IGF2BP2: variants seen among roughly 807,000 people sequenced by gnomAD.
The protein encoded by IGF2BP2 is insulin-like growth factor 2 mRNA-binding protein 2.
In IGF2BP2, 17 loss-of-function variants were observed where a neutral mutation model predicts 75.8. That is an observed-to-expected ratio of 0.22 (90% CI 0.15 to 0.34). The LOEUF is 0.34. Among genes scored for constraint, IGF2BP2 ranks in the 10% least tolerant of loss-of-function variants. The probability of loss-of-function intolerance (pLI) is 1.00; values close to 1 mark genes in which losing one functional copy is unlikely to be tolerated. For missense variants in IGF2BP2, 516 were observed against 772.4 expected, an observed-to-expected ratio of 0.67 and a Z score of 3.93; for synonymous variants, 288 against 295.6, an observed-to-expected ratio of 0.97 and a Z score of 0.26.
chr3:185,733,072 G>A (rs996256107), intron 2 of IGF2BP2, among the ~76,000 whole-genome samples: 3 of 152,090 alleles, frequency 2.0e-5, no homozygotes, highest in Non-Finnish European at 4.4e-5. Context: ...GGAACTAGGG[G>A]AGGATACAAT....
chr3:185,806,161 T>C (rs1362854139), intron 2 of IGF2BP2, among the ~76,000 whole-genome samples: 2 of 152,114 alleles, frequency 1.3e-5, no homozygotes, highest in African/African-American at 4.8e-5. Context: ...GGGAGTTCTC[T>C]CTAAACTCCC....
chr3:185,771,418 C>A (rs779028644), intron 2 of IGF2BP2, among the ~76,000 whole-genome samples: 2 of 140,296 alleles, frequency 1.4e-5, no homozygotes, highest in African/African-American at 2.7e-5. Context: ...CCAGCCTGGG[C>A]GAAAGAGTAA....
chr3:185,679,857 A>C (rs1189320148), intron 7 of IGF2BP2, among the ~76,000 whole-genome samples: 1 of 151,958 alleles, frequency 6.6e-6, no homozygotes, highest in Non-Finnish European at 1.5e-5. Flanking sequence ...CTTGTGATCC[A>C]CCCACCTCGG....
chr3:185,697,779 G>A (rs1313635902), intron 3 of IGF2BP2, among the ~76,000 whole-genome samples: 1 of 152,062 alleles, frequency 6.6e-6, no homozygotes, highest in Non-Finnish European at 1.5e-5. Context: ...GAACCTAAGA[G>A]TTCGAGGCCA....
intron 2 of IGF2BP2, among the ~76,000 whole-genome samples, chr3:185,773,038 G>A (rs1342442542): frequency 6.6e-6 from 1 of 152,182 alleles, no homozygotes; most frequent in Non-Finnish European, 1.5e-5. Flanking sequence ...CAGGAGGCCT[G>A]ATAACTAACC....
At chr3:185,797,897 T>TAAAA (rs35850351) in intron 2 of IGF2BP2, among the ~76,000 whole-genome samples, 5 of 90,354 alleles carry the variant, frequency 5.5e-5, no homozygotes, top group African/African-American at 2.4e-4. Flanking sequence ...CCCTGTCTCT[T>TAAAA]AAAAAAAAAA....
At chr3:185,798,857 G>A (rs764690347) in intron 2 of IGF2BP2, among the ~76,000 whole-genome samples, 2 of 150,330 alleles carry the variant, frequency 1.3e-5, no homozygotes, top group South Asian at 2.1e-4. Context: ...GCAGTGGTGC[G>A]GTCTTGGCTC....
At chr3:185,649,293 C>T in intron 14 of IGF2BP2, 110 bp downstream of exon 14, 7 of 1,405,880 alleles carry the variant, frequency 5.0e-6, no homozygotes. Context: ...TGCCAAAGAC[C>T]CTGACTGTAC....
intron 13 of IGF2BP2, 54 bp downstream of exon 13, chr3:185,652,040 G>C: frequency 7.0e-7 from 1 of 1,424,004 alleles, no homozygotes. Context: ...GTGCCTCTGA[G>C]GTGGCTGCTC....
chr3:185,811,344 T>C (rs1739795677), intron 2 of IGF2BP2, among the ~76,000 whole-genome samples: 1 of 152,154 alleles, frequency 6.6e-6, no homozygotes. Flanking sequence ...GACAAGCCTA[T>C]GTGTAAGGGA....
chr3:185,676,973 GATAC>G (rs1321334882), intron 7 of IGF2BP2, among the ~76,000 whole-genome samples: 1 of 136,572 alleles, frequency 7.3e-6, no homozygotes, highest in East Asian at 2.1e-4. Context: ...TACATATGGA[GATAC>G]ATATATATGG....
intron 2 of IGF2BP2, among the ~76,000 whole-genome samples, chr3:185,803,657 C>T (rs1738580080): frequency 6.6e-6 from 1 of 152,136 alleles, no homozygotes; most frequent in Non-Finnish European, 1.5e-5. Flanking sequence ...GTCTCAATGG[C>T]ACCAGAAACC....
chr3:185,812,187 A>G (rs868301775), intron 2 of IGF2BP2, among the ~76,000 whole-genome samples: 3 of 152,160 alleles, frequency 2.0e-5, no homozygotes, highest in Non-Finnish European at 4.4e-5. Context: ...TACACAACAG[A>G]TAAGAGGAGG....
chr3:185,748,897 C>T (rs1232733387), intron 2 of IGF2BP2, among the ~76,000 whole-genome samples: 1 of 152,234 alleles, frequency 6.6e-6, no homozygotes, highest in African/African-American at 2.4e-5. Flanking sequence ...GACGCAGTGG[C>T]TCATGCCTGT....
chr3:185,742,391 G>A (rs1729681431), intron 2 of IGF2BP2, among the ~76,000 whole-genome samples: 1 of 152,156 alleles, frequency 6.6e-6, no homozygotes. Context: ...AGCTACTTGG[G>A]AGGCTGAGGT....
At chr3:185,659,949 C>A (rs527943556) in intron 10 of IGF2BP2, among the ~76,000 whole-genome samples, 1 of 152,192 alleles carries the variant, frequency 6.6e-6, no homozygotes, top group South Asian at 2.1e-4. Flanking sequence ...CATGTGCCAC[C>A]AAGCTCAGCT....
At chr3:185,698,873 G>C (rs1347997536) in intron 2 of IGF2BP2, among the ~76,000 whole-genome samples, 1 of 152,026 alleles carries the variant, frequency 6.6e-6, no homozygotes, top group African/African-American at 2.4e-5. Context: ...GGAGTGCAGT[G>C]GTGTGACCTT....
At chr3:185,655,526 G>A (rs1229101760) in intron 12 of IGF2BP2, among the ~76,000 whole-genome samples, 1 of 152,228 alleles carries the variant, frequency 6.6e-6, no homozygotes, top group Non-Finnish European at 1.5e-5. Context: ...GTAGAAGGTT[G>A]CTGGAAAAGA....
chr3:185,804,819 C>T (rs1738782640), intron 2 of IGF2BP2, among the ~76,000 whole-genome samples: 1 of 151,764 alleles, frequency 6.6e-6, no homozygotes, highest in Admixed American at 6.6e-5. Flanking sequence ...GAAACCCCGT[C>T]TCTACCAAAA....
Sources: allele counts gnomAD v4.1 joint callset (sites outside exome capture counted in the v4.1 genomes callset), GRCh38; gene constraint gnomAD v4.1.1; transcripts MANE v1.5; gene names NCBI Gene and HGNC (gene_info 2026-07-23, HGNC 2026-07-21).